Variants in SLC6A13 observed in about 807,000 individuals in gnomAD.
The protein encoded by SLC6A13 is sodium- and chloride-dependent GABA transporter 2.
Under a neutral mutation model 72.9 loss-of-function variants are expected in SLC6A13, and 69 were observed. The ratio of observed to expected loss-of-function variants is 0.95; its 90% CI spans 0.78 to 1.16. The LOEUF is 1.16. Ranked by LOEUF, SLC6A13 falls within the 50% of genes most tolerant of loss-of-function variation. The probability of loss-of-function intolerance (pLI) is 0.00; values close to 1 mark genes in which losing one functional copy is unlikely to be tolerated. For missense variants in SLC6A13, 735 were observed against 760.5 expected (o/e 0.97, Z 0.39); for synonymous variants, 303 against 303.0 (o/e 1.00, Z 0.00).
intron 12 of SLC6A13, 112 bp from the exon 13 acceptor site, chr12:222,744 C>T (rs899204892): frequency 7.8e-6 from 5 of 639,042 alleles, no homozygotes; most frequent in East Asian, 2.8e-5. Flanking sequence ...AAAGAGATGA[C>T]ATCACAGCTG....
At chr12:252,996 G>GA (rs1942608280) in intron 2 of SLC6A13, among the ~76,000 whole-genome samples, 1 of 152,236 alleles carries the variant, frequency 6.6e-6, no homozygotes, top group Non-Finnish European at 1.5e-5. Flanking sequence ...GAGGAGTGCT[G>GA]AAGGGCATTC....
At position 223,847 on chromosome 12, in the gene SLC6A13, T is replaced by C. The variant is rs555514005; in HGVS notation, c.1311+145A>G. The C allele has an allele frequency of 1.2e-4, 105 of 893,416 alleles. 1 individual carries two copies. The South Asian group carries it at 1.4e-3, about 12-fold the overall frequency. 55.3% of individuals were successfully genotyped at this position (893,416 alleles called of 1,614,324 possible). A position where few individuals can be genotyped will look rare whatever the true frequency, so the allele number is the denominator to read the frequency against. On this transcript the variant is annotated intron_variant, in intron 11 of 14. Coordinates refer to ENST00000343164, the MANE Select transcript of SLC6A13 (RefSeq NM_016615.5). The stretch of plus-strand genomic sequence containing the variant: ...AGGGACCTGCCTACTTTGTCGTTCC[T>C]GGGATGGGGAAAAGAGGGAGTCCTA...
intron 4 of SLC6A13, among the ~76,000 whole-genome samples, chr12:238,701 A>T (rs1942035393): frequency 6.6e-6 from 1 of 152,180 alleles, no homozygotes; most frequent in Non-Finnish European, 1.5e-5. Context: ...GTGCCCATGA[A>T]GACGGTGGAT....
intron 7 of SLC6A13, among the ~76,000 whole-genome samples, chr12:231,829 T>G (rs1281746050): frequency 3.3e-5 from 5 of 152,234 alleles, no homozygotes; most frequent in African/African-American, 2.4e-5. Context: ...CTGGAACAGA[T>G]CCGGCACATA....
chr12:221,291 G>C (rs1020919400), intron 14 of SLC6A13, 85 bp downstream of exon 14: 1 of 1,417,292 alleles, frequency 7.1e-7, no homozygotes, highest in Non-Finnish European at 9.5e-7. Context: ...ACACAACGGT[G>C]TGCGCCCTGG....
intron 2 of SLC6A13, among the ~76,000 whole-genome samples, chr12:247,265 G>A (rs908805909): frequency 1.3e-5 from 2 of 150,880 alleles, no homozygotes; most frequent in African/African-American, 4.9e-5. Context: ...AAAAAAACTA[G>A]TCCAAGGTGC....
chr12:225,104 C>T (rs906697949), intron 9 of SLC6A13, among the ~76,000 whole-genome samples: 3 of 152,248 alleles, frequency 2.0e-5, no homozygotes, highest in Non-Finnish European at 4.4e-5. Flanking sequence ...CACGCCCTCG[C>T]GGCGCGTGAA....
intron 2 of SLC6A13, among the ~76,000 whole-genome samples, chr12:248,364 AC>A (rs1942426134): frequency 6.8e-6 from 1 of 147,676 alleles, no homozygotes; most frequent in Admixed American, 7.0e-5. Flanking sequence ...AGGTTGCACC[AC>A]TGCACTCCAG....
intron 6 of SLC6A13, 104 bp downstream of exon 6, chr12:237,054 C>T (rs767672790): frequency 1.8e-5 from 23 of 1,279,544 alleles, no homozygotes; most frequent in South Asian, 2.7e-5. Flanking sequence ...TGGGTCATCG[C>T]CTCCCATCCT....
chr12:259,829 G>A (rs762250600), intron 2 of SLC6A13, 22 bp downstream of exon 2: 40 of 1,614,186 alleles, frequency 2.5e-5, no homozygotes, highest in Non-Finnish European at 3.2e-5. Flanking sequence ...TGGGTGGGGT[G>A]GCACAAGGGC....
intron 7 of SLC6A13, among the ~76,000 whole-genome samples, chr12:232,893 A>T (rs1364663487): frequency 6.6e-6 from 1 of 152,214 alleles, no homozygotes; most frequent in Non-Finnish European, 1.5e-5. Context: ...AGACCTGAGG[A>T]CAGTTTGGCT....
At chr12:259,567 C>T (rs948248704) in intron 2 of SLC6A13, 2 of 1,397,832 alleles carry the variant, frequency 1.4e-6, no homozygotes, top group African/African-American at 1.4e-5. Context: ...CAAGATCACA[C>T]AGAGTGTTAA....
chr12:254,158 G>A lies in SLC6A13; in HGVS notation c.202+5693C>T, dbSNP rs1455762247. Among the ~76,000 whole-genome samples, 1 of 152,192 alleles carries A rather than the reference G, an allele frequency of 6.6e-6. No homozygotes were observed. Among genetic ancestry groups the A allele is most frequent in the East Asian group, 1.9e-4 (1 of 5,192 alleles). On this transcript the variant is annotated intron_variant, in intron 2 of 14. Transcript: ENST00000343164. This position sits in a 1 kb window ranked among gnomAD's most constrained non-coding sequence, Gnocchi z 4.4. The stretch of plus-strand genomic sequence containing the variant: ...TCCTGGCAGCTGAGGGTGGAGGGCT[G>A]GAGGAATAGTTCAAATGTCAAGCTT...
At chr12:242,845 G>A (rs982468444) in intron 3 of SLC6A13, 91 bp from the exon 4 acceptor site, 9 of 1,231,992 alleles carry the variant, frequency 7.3e-6, no homozygotes, top group Non-Finnish European at 1.0e-5. Flanking sequence ...GAGGTGAGAG[G>A]ATTGTCTGAG....
At chr12:225,436 G>A (rs554500690) in intron 9 of SLC6A13, among the ~76,000 whole-genome samples, 3 of 152,332 alleles carry the variant, frequency 2.0e-5, no homozygotes, top group African/African-American at 7.2e-5. Context: ...GATCACTTGA[G>A]GCCAGAGGTT....
intron 13 of SLC6A13, 82 bp downstream of exon 13, chr12:222,450 T>C (rs1051688100): frequency 2.6e-6 from 2 of 759,070 alleles, no homozygotes; most frequent in African/African-American, 3.6e-5. Flanking sequence ...AGAAGTCCAT[T>C]GCAGGGCTAA....
At chr12:260,383 C>T (rs1942888659) in intron 1 of SLC6A13, among the ~76,000 whole-genome samples, 1 of 152,172 alleles carries the variant, frequency 6.6e-6, no homozygotes, top group South Asian at 2.1e-4. Flanking sequence ...ATTCTCCCTG[C>T]CACCCTACAG....
intron 7 of SLC6A13, among the ~76,000 whole-genome samples, chr12:231,929 A>C (rs1015278541): frequency 2.6e-5 from 4 of 152,206 alleles, no homozygotes; most frequent in African/African-American, 9.6e-5. Context: ...CCTCGTCTCC[A>C]AGAGTGGATC....
intron 6 of SLC6A13, among the ~76,000 whole-genome samples, chr12:236,224 A>C (rs1565496831): frequency 6.6e-6 from 1 of 152,140 alleles, no homozygotes; most frequent in Non-Finnish European, 1.5e-5. Context: ...CCTTTGAAGC[A>C]TGAGATCTTT....
Sources: allele counts gnomAD v4.1 joint callset (sites outside exome capture counted in the v4.1 genomes callset), GRCh38; gene constraint gnomAD v4.1.1; non-coding constraint Gnocchi (gnomAD v3.1); transcripts MANE v1.5; gene names NCBI Gene and HGNC (gene_info 2026-07-23, HGNC 2026-07-21).